SI: variants seen among roughly 807,000 people sequenced by gnomAD.
SI encodes the protein sucrase-isomaltase, also known as sucrase-isomaltase, intestinal.
In SI, 235 loss-of-function variants were observed where a neutral mutation model predicts 253.3. That is an observed-to-expected ratio of 0.93 (90% CI 0.83 to 1.03). SI has a LOEUF of 1.03. SI is among the 50% of genes least tolerant of loss of function. The pLI is 0.00. For synonymous variants in SI, 819 were observed against 712.0 expected, an observed-to-expected ratio of 1.15 and a Z score of -2.39; for missense variants, 2,442 against 2,211.1, an observed-to-expected ratio of 1.10 and a Z score of -2.09.
intron 44 of SI, among the ~76,000 whole-genome samples, chr3:164,989,411 A>AGAAG (rs1426962033): frequency 5.4e-4 from 80 of 147,426 alleles, no homozygotes; most frequent in African/African-American, 1.9e-3. Context: ...AAAGAAAGAA[A>AGAAG]GAAAGAAAGA....
upstream of SI, among the ~76,000 whole-genome samples, chr3:165,080,603 G>C (rs140102046): frequency 3.9e-3 from 598 of 152,076 alleles, 2 homozygotes; most frequent in African/African-American, 0.013. Flanking sequence ...TCCTTTGTAG[G>C]GACATGGATG....
rs369061558 is a variant in SI at position 165,046,822 on chromosome 3, C to T, written c.1887+19G>A. On this transcript the variant is annotated intron_variant, in intron 16 of 47. Transcript: ENST00000264382. ...GTAATTGTAGCTTTTATGAGTAACACTCTATGAAACTGTCTTACCAAAGGT... is the reference window on the plus strand; with the variant it reads ...GTAATTGTAGCTTTTATGAGTAACATTCTATGAAACTGTCTTACCAAAGGT... 1 of 1,590,526 alleles carries T rather than the reference C, an allele frequency of 6.3e-7. No homozygotes were observed. The highest frequency in any genetic ancestry group is 1.7e-5 in the Admixed American group (1 of 59,870).
Position 164,996,661 on chromosome 3 carries a change from A to G in SI, c.4576-10T>C, listed in dbSNP as rs748923904. On this transcript the variant is annotated splice_polypyrimidine_tract_variant and intron_variant, in intron 39 of 47. Transcript: ENST00000264382. ...AGATGTCTGCTCCAGTCTAAAATAT[A>G]TTGTTATATTTAGTTAAATTTGAAT... 6.8e-7 allele frequency: 1 copy of G among 1,469,530 alleles called. No individual in the cohort carries two copies. The allele number at this position is 1,469,530 out of a possible 1,614,324, so 91.0% of individuals were successfully genotyped here. A position where few individuals can be genotyped will look rare whatever the true frequency, so the allele number is the denominator to read the frequency against.
intron 31 of SI, 68 bp from the exon 32 acceptor site, chr3:165,016,148 A>T: frequency 7.2e-7 from 1 of 1,382,118 alleles, no homozygotes; most frequent in Non-Finnish European, 1.0e-6. Context: ...ATATTTTATC[A>T]TACTTATAAA....
At chr3:165,044,937 A>G (rs1222875007) in intron 16 of SI, among the ~76,000 whole-genome samples, 2 of 152,034 alleles carry the variant, frequency 1.3e-5, no homozygotes, top group African/African-American at 4.8e-5. Flanking sequence ...ATGGTGTGAG[A>G]AATTGACACA....
Position 165,017,592 on chromosome 3 carries a change from C to G in SI, c.3715G>C (p.Val1239Leu), listed in dbSNP as rs41273567. ...CRYGYANTSEVRELYDAMVAA... is the reference protein window; with the variant it reads ...CRYGYANTSELRELYDAMVAA... ...ACCATAGCGTCATATAATTCCCGAA[C>G]CTCTGAAGTATTTGCATATCCATAA... Residue 1239 changes from valine (V) to leucine (L), a missense_variant, in exon 31 of 48, where the codon GTT (valine) becomes CTT (leucine). Val to Leu is a conservative substitution (Grantham distance 32, BLOSUM62 1). Coordinates refer to ENST00000264382, the MANE Select transcript of SI (RefSeq NM_001041.4). 48 of 1,612,680 alleles carry G rather than the reference C, an allele frequency of 3.0e-5. No homozygotes were observed. Among genetic ancestry groups the G allele is most frequent in the Non-Finnish European group, 3.9e-5 (46 of 1,179,030 alleles).
At chr3:165,009,510 A>G in intron 34 of SI, 115 bp from the exon 35 acceptor site, 1 of 701,098 alleles carries the variant, frequency 1.4e-6, no homozygotes, top group Non-Finnish European at 2.6e-6. Context: ...AATGAAGGAA[A>G]TTGACATCAA....
intron 40 of SI, among the ~76,000 whole-genome samples, chr3:164,996,180 C>A (rs2108134501): frequency 6.6e-6 from 1 of 151,888 alleles, no homozygotes. Flanking sequence ...ATCACGAGCT[C>A]TGCCATTTAC....
intron 44 of SI, among the ~76,000 whole-genome samples, chr3:164,990,311 T>G (rs1222137653): frequency 6.6e-6 from 1 of 152,078 alleles, no homozygotes; most frequent in Non-Finnish European, 1.5e-5. Flanking sequence ...CTTCCACATG[T>G]CAGAAACAGA....
chr3:164,996,782 T>TA lies in SI; in HGVS notation c.4541-11_4541-10insT, dbSNP rs779492314. On this transcript the variant is annotated splice_polypyrimidine_tract_variant and intron_variant, in intron 38 of 47. Coordinates refer to ENST00000264382, the MANE Select transcript of SI (RefSeq NM_001041.4). Reference sequence around the variant, plus strand: ...CTAAATTCCATCATACCTGAAAAAGTTAGAAAAAATATCTTAGAAAGTTAT... The same window carrying TA: ...CTAAATTCCATCATACCTGAAAAAGTATAGAAAAAATATCTTAGAAAGTTAT... 1.4e-5 allele frequency: 14 copies of TA among 989,008 alleles called. No individual in the cohort carries two copies. The highest frequency in any genetic ancestry group is 2.2e-5 in the Non-Finnish European group (14 of 650,422). 61.3% of individuals were successfully genotyped at this position (989,008 alleles called of 1,614,324 possible).
Position 165,065,472 on chromosome 3 carries a change from T to C in SI, c.636-40A>G, listed in dbSNP as rs9681508. On this transcript the variant is annotated intron_variant, in intron 6 of 47. Coordinates refer to ENST00000264382, the MANE Select transcript of SI (RefSeq NM_001041.4). ...AAATAAAGAAATAATCTAATATATA[T>C]ATATATATATATATATATATATGAT... 1.4e-4 allele frequency: 39 copies of C among 274,324 alleles called. No individual in the cohort carries two copies. In the East Asian group the frequency reaches 5.0e-3, roughly 35 times the overall value. The allele number at this position is 274,324 out of a possible 1,614,324, so 17.0% of individuals were successfully genotyped here.
At chr3:165,078,829 T>A (rs577411480), upstream of SI, among the ~76,000 whole-genome samples, 34 of 151,660 alleles carry the variant, frequency 2.2e-4, no homozygotes, top group South Asian at 6.0e-3. Context: ...GCAATTTAGA[T>A]CCTCACTGGA....
chr3:165,037,135 T>A (rs1051915828), intron 21 of SI, among the ~76,000 whole-genome samples: 1 of 151,890 alleles, frequency 6.6e-6, no homozygotes, highest in Non-Finnish European at 1.5e-5. Context: ...GTGATACTAG[T>A]CCATTCCAGA....
rs562603615 is a variant in SI at position 165,003,295 on chromosome 3, CA to C, written c.4406+3520del. ...TCAACTCAAAGCACATAATTTTTGT[CA>C]ATAAGATCATCACTCAATTTTCAAT... On this transcript the variant is annotated intron_variant, in intron 37 of 47. Coordinates refer to ENST00000264382, the MANE Select transcript of SI (RefSeq NM_001041.4). Among the ~76,000 whole-genome samples the C allele has an allele frequency of 2.0e-5, 3 of 151,750 alleles. No homozygotes were observed. In the South Asian group the frequency reaches 6.2e-4, roughly 32 times the overall value.
intron 29 of SI, 36 bp downstream of exon 29, chr3:165,017,934 A>G: frequency 6.3e-7 from 1 of 1,585,582 alleles, no homozygotes; most frequent in Non-Finnish European, 8.7e-7. Context: ...AAAAAGTCAC[A>G]TAAAATAAGA....
At chr3:165,042,338 A>G (rs1205038638) in intron 17 of SI, among the ~76,000 whole-genome samples, 1 of 152,066 alleles carries the variant, frequency 6.6e-6, no homozygotes, top group Non-Finnish European at 1.5e-5. Context: ...CTCAAACACA[A>G]TATAAGCCCT....
intron 23 of SI, among the ~76,000 whole-genome samples, chr3:165,033,068 C>A (rs904138728): frequency 6.6e-6 from 1 of 151,408 alleles, no homozygotes; most frequent in Non-Finnish European, 1.5e-5. Flanking sequence ...CCAATTATTA[C>A]TGTGACTAAT....
intron 20 of SI, 148 bp from the exon 21 acceptor site, chr3:165,038,172 T>G: frequency 1.5e-6 from 1 of 679,198 alleles, no homozygotes. Flanking sequence ...GGAGAATTTT[T>G]TTTTTCAGTT....
In SI at chr3:165,049,005, A is replaced by G. The variant is rs1713284453; in HGVS notation, c.1715+122T>C. On this transcript the variant is annotated intron_variant, in intron 15 of 47. Coordinates refer to ENST00000264382, the MANE Select transcript of SI (RefSeq NM_001041.4). ...TGAATGCCATAACTTTTTAGCAGGC[A>G]TAAAATATTATCTTTCTTTTTTCAA... 1.3e-5 allele frequency: 9 copies of G among 687,230 alleles called. No homozygotes were observed. In the Admixed American group the frequency reaches 2.0e-4, roughly 15 times the overall value. 42.6% of individuals were successfully genotyped at this position (687,230 alleles called of 1,614,324 possible).
Sources: gnomAD v4.1 joint callset for allele counts (sites outside exome capture counted in the v4.1 genomes callset) on GRCh38, gnomAD v4.1.1 for gene constraint, MANE v1.5 for transcripts, NCBI Gene and HGNC (gene_info 2026-07-23, HGNC 2026-07-21) for gene names.